The following ADCY6 variants were observed in gnomAD, a reference collection of about 807,000 sequenced individuals.
ADCY6 encodes adenylate cyclase type 6.
ADCY6 carries 59 observed loss-of-function variants against 111.6 expected under a neutral mutation model. The observed-to-expected ratio is 0.53, with a 90% CI of 0.43 to 0.66. The LOEUF (loss-of-function observed/expected upper bound fraction) is 0.66. ADCY6 is among the 30% of genes least tolerant of loss of function. The pLI is 0.00. For synonymous variants in ADCY6, 576 were observed against 642.9 expected, an observed-to-expected ratio of 0.90 and a Z score of 1.57; for missense variants, 1,242 against 1,595.6, an observed-to-expected ratio of 0.78 and a Z score of 3.78.
In ADCY6 at chr12:48,782,934, CAGCAGCACCGCTGTG is replaced by C. The variant is rs1258911470; in HGVS notation, c.486_500del (p.Thr163_Leu167del). ...GGCGGGCGGGTGCGGCGTGGAAAGCCAGCAGCACCGCTGTGAGCAGCACCAGCACCGCCATCAGCA... is the reference window on the plus strand; with the variant it reads ...GGCGGGCGGGTGCGGCGTGGAAAGCCAGCAGCACCAGCACCGCCATCAGCA... On this transcript the variant is annotated inframe_deletion, in exon 2 of 22. Transcript: ENST00000357869. This position sits in a 1 kb window ranked among gnomAD's most constrained non-coding sequence, Gnocchi z 4.3. 1 of 1,613,374 alleles carries C rather than the reference CAGCAGCACCGCTGTG, an allele frequency of 6.2e-7. No homozygotes were observed. The highest frequency in any genetic ancestry group is 8.5e-7 in the Non-Finnish European group (1 of 1,179,924).
chr12:48,777,061 G>A lies in ADCY6; in HGVS notation c.1376+43C>T. The stretch of plus-strand genomic sequence containing the variant: ...CATCAAAAAGTAGGAGCAGTCTGGG[G>A]CACCCGCAATTCCAGGAAGCCTAGG... On this transcript the variant is annotated intron_variant, in intron 6 of 21. Transcript: ENST00000357869. This position sits in a 1 kb window ranked among gnomAD's most constrained non-coding sequence, Gnocchi z 4.9. 6.5e-7 allele frequency: 1 copy of A among 1,544,036 alleles called. No homozygotes were observed. Among genetic ancestry groups the A allele is most frequent in the Non-Finnish European group, 8.7e-7 (1 of 1,144,164 alleles).
intron 20 of ADCY6, among the ~76,000 whole-genome samples, chr12:48,769,419 A>C (rs1941466179): frequency 1.3e-5 from 2 of 151,068 alleles, no homozygotes; most frequent in South Asian, 2.1e-4. Context: ...ATCTCAAAAA[A>C]AAAAAAAAAA....
At chr12:48,783,657 C>T in intron 1 of ADCY6, 1 of 1,140,060 alleles carries the variant, frequency 8.8e-7, no homozygotes, top group Non-Finnish European at 1.2e-6. Context: ...AGAAACTTGC[C>T]CAAAACCAGG....
At chr12:48,778,872 A>AC (rs1941774487) in intron 2 of ADCY6, among the ~76,000 whole-genome samples, 1 of 72,414 alleles carries the variant, frequency 1.4e-5, no homozygotes, top group Non-Finnish European at 2.4e-5. Context: ...TGAATAACAC[A>AC]TTTTTTTTTT....
chr12:48,768,472 C>G lies in ADCY6; in HGVS notation c.*119G>C. 1 of 1,457,350 alleles carries G rather than the reference C, an allele frequency of 6.9e-7. No individual in the cohort carries two copies. Among genetic ancestry groups the G allele is most frequent in the Non-Finnish European group, 9.5e-7 (1 of 1,048,550 alleles). The allele number at this position is 1,457,350 out of a possible 1,614,324, so 90.3% of individuals were successfully genotyped here. On this transcript the variant is annotated 3_prime_UTR_variant, in exon 22 of 22. Coordinates refer to ENST00000357869, the MANE Select transcript of ADCY6 (RefSeq NM_015270.5). ...CAAGCACAGCCTGCTGGGATGTTCC[C>G]TTTTGTGGTTAGCAGGGTCTGGAGG...
intron 21 of ADCY6, 95 bp from the exon 22 acceptor site, chr12:48,768,811 C>T: frequency 3.2e-6 from 5 of 1,559,374 alleles, no homozygotes; most frequent in Non-Finnish European, 3.5e-6. Context: ...GCTCCCTTCC[C>T]CCAGTCCCTG....
At chr12:48,786,145 A>C (rs1592167036) in intron 1 of ADCY6, among the ~76,000 whole-genome samples, 2 of 152,234 alleles carry the variant, frequency 1.3e-5, no homozygotes, top group African/African-American at 4.8e-5. Flanking sequence ...TCACTCGGGG[A>C]CAGGATGGAG....
intron 2 of ADCY6, chr12:48,778,520 C>T: frequency 4.3e-6 from 2 of 470,034 alleles, no homozygotes; most frequent in Non-Finnish European, 7.8e-6. Flanking sequence ...CAACTAGGGC[C>T]AGATAAGTCA....
intron 11 of ADCY6, 56 bp downstream of exon 11, chr12:48,775,247 C>A: frequency 6.2e-7 from 1 of 1,608,170 alleles, no homozygotes; most frequent in South Asian, 1.1e-5. Context: ...TCAGCCTTCC[C>A]TGCTGCGACC....
In ADCY6 at chr12:48,783,078, C is replaced by T; in HGVS notation, c.357G>A (p.Trp119Ter). Residue 119 changes from tryptophan (W) to a stop codon, truncating the protein, a stop_gained, in exon 2 of 22, where the codon TGG becomes TGA. Coordinates refer to ENST00000357869, the MANE Select transcript of ADCY6 (RefSeq NM_015270.5). LOFTEE classifies it high-confidence loss of function. ...ACTGGAACACCTGCACCAGACGGCGCCAGCAGGATCGCCCACTCCTGGGCA... is the reference window on the plus strand; with the variant it reads ...ACTGGAACACCTGCACCAGACGGCGTCAGCAGGATCGCCCACTCCTGGGCA... Reference protein sequence around the residue: ...DAVPRSGRSCWRRLVQVFQSK... With the variant: ...DAVPRSGRSC The T allele has an allele frequency of 1.9e-6, 3 of 1,612,546 alleles. No individual in the cohort carries two copies. The highest frequency in any genetic ancestry group is 2.5e-6 in the Non-Finnish European group (3 of 1,179,598).
rs138322341 is a variant in ADCY6, at chr12:48,781,967, A to T, written c.864+604T>A. On this transcript the variant is annotated intron_variant, in intron 2 of 21. Transcript: ENST00000357869. The stretch of plus-strand genomic sequence containing the variant: ...TCTTCAACAGTCCAACCCCATTCAA[A>T]CCACATCCAGCCCAGAGAGAACTGA... Among the ~76,000 whole-genome samples the T allele has an allele frequency of 2.2e-3, 334 of 152,124 alleles. 1 individual carries two copies. The highest frequency in any genetic ancestry group is 6.8e-3 in the Middle Eastern group (2 of 294).
Position 48,776,578 on chromosome 12 carries a change from C to A in ADCY6, c.1385G>T (p.Arg462Leu), listed in dbSNP as rs1233916775. ...VDMIEAISLV[R>L]EVTGVNVNMR... ...GTTCACATTCACACCTGTCACCTCA[C>A]GTACCAGCCTGGGAGGATGCAGCCC... The change falls in exon 7 of 22, where the codon CGT (arginine) becomes CTT (leucine). Residue 462 changes from arginine to leucine, a missense_variant. Around this residue, in one of 4 missense-constraint regions of ADCY6, gnomAD observed 260 missense variants for 414.6 expected, o/e 0.63. Transcript: ENST00000357869. The surrounding 1 kb of genome is among the most constrained non-coding windows in gnomAD (Gnocchi z 6.1). The A allele has an allele frequency of 2.5e-6, 4 of 1,608,968 alleles. No homozygotes were observed. Among genetic ancestry groups the A allele is most frequent in the Non-Finnish European group, 3.4e-6 (4 of 1,178,810 alleles).
intron 15 of ADCY6, 26 bp downstream of exon 15, chr12:48,773,914 C>G (rs1223020164): frequency 6.2e-7 from 1 of 1,610,882 alleles, no homozygotes; most frequent in African/African-American, 1.3e-5. Context: ...GACAGCCCCC[C>G]CACCGCCTGA....
chr12:48,776,278 G>A lies in ADCY6; in HGVS notation c.1608C>T (p.Gly536=), dbSNP rs753900257. Residue 536 remains glycine, a synonymous_variant, in exon 8 of 22, where the codon GGC becomes GGT. Transcript: ENST00000357869. This position sits in a 1 kb window ranked among gnomAD's most constrained non-coding sequence, Gnocchi z 6.1. ...GCTCCTTGAGGTACGCGTTGCGCTCGCCACCACGGCCTGGCTCCACCTCGT... is the reference window on the plus strand; with the variant it reads ...GCTCCTTGAGGTACGCGTTGCGCTCACCACCACGGCCTGGCTCCACCTCGT... ...GDYEVEPGRG[G]ERNAYLKEQH... The A allele has an allele frequency of 3.8e-5, 62 of 1,614,080 alleles. No homozygotes were observed. The highest frequency in any genetic ancestry group is 3.3e-4 in the Middle Eastern group (2 of 6,084).
In ADCY6 at chr12:48,775,684, G is replaced by T; in HGVS notation, c.1821C>A (p.Ser607=). ...KAFRQMGIDD[S]SKDNRGTQDA... is the part of the protein sequence containing the mutation. The stretch of plus-strand genomic sequence containing the variant: ...GTAACCTGACTTACTTGTCTTTGCT[G>T]GAATCATCAATGCCCTGGAGAAAGG... Residue 607 remains serine (S), a synonymous_variant, in exon 10 of 22, where the codon TCC becomes TCA. Transcript: ENST00000357869. 6.2e-7 allele frequency: 1 copy of T among 1,613,576 alleles called. No homozygotes were observed. The highest frequency in any genetic ancestry group is 8.5e-7 in the Non-Finnish European group (1 of 1,179,628).
Position 48,774,706 on chromosome 12 carries a change from C to T in ADCY6, c.2151G>A (p.Val717=), listed in dbSNP as rs1941647018. The T allele has an allele frequency of 6.2e-7, 1 of 1,614,140 alleles. No individual in the cohort carries two copies. The highest frequency in any genetic ancestry group is 1.1e-5 in the South Asian group (1 of 91,088). Residue 717 remains valine, a synonymous_variant, in exon 13 of 22, where the codon GTG becomes GTA. Coordinates refer to ENST00000357869, the MANE Select transcript of ADCY6 (RefSeq NM_015270.5). ...LLLITVLICA[V]YSCGSLFPKA... is the part of the protein sequence containing the mutation. ...CCTTACGTACAGAACCACAGGAGTA[C>T]ACAGCACAGATCAGCACGGTGATTA...
chr12:48,776,158 C>T lies in ADCY6; in HGVS notation c.1677+51G>A, dbSNP rs764928433. On this transcript the variant is annotated intron_variant, in intron 8 of 21. Transcript: ENST00000357869. The surrounding 1 kb of genome is among the most constrained non-coding windows in gnomAD (Gnocchi z 6.1). ...GAGGAGGCCTTGGCCTGCTCCTCCC[C>T]ATTTGTCCCTCTTCTTGCTCCCCTG... 1 of 1,613,890 alleles carries T rather than the reference C, an allele frequency of 6.2e-7. No individual in the cohort carries two copies.
At chr12:48,787,520 C>T (rs1942001740) in intron 1 of ADCY6, among the ~76,000 whole-genome samples, 1 of 152,212 alleles carries the variant, frequency 6.6e-6, no homozygotes, top group South Asian at 2.1e-4. Flanking sequence ...TTGCCGGCCT[C>T]CCAACATTTC....
Position 48,770,878 on chromosome 12 carries a change from G to C in ADCY6, c.3144C>G (p.Tyr1048Ter). 1 of 1,614,236 alleles carries C rather than the reference G, an allele frequency of 6.2e-7. No individual in the cohort carries two copies. Among genetic ancestry groups the C allele is most frequent in the Non-Finnish European group, 8.5e-7 (1 of 1,180,044 alleles). Reference protein sequence around the residue: ...MAASGLNASTYDQVGRSHITA... With the variant: ...MAASGLNAST ...TGATGTGGGAGCGGCCCACCTGATCGTAGGTGCTGGCGTTCAGCCCTGAGG... is the reference window on the plus strand; with the variant it reads ...TGATGTGGGAGCGGCCCACCTGATCCTAGGTGCTGGCGTTCAGCCCTGAGG... The change falls in exon 20 of 22, where the codon TAC becomes TAG. Residue 1048 changes from tyrosine (Y) to a stop codon, truncating the protein, a stop_gained. Transcript: ENST00000357869. LOFTEE classifies it high-confidence loss of function.
Sources: allele counts gnomAD v4.1 joint callset (sites outside exome capture counted in the v4.1 genomes callset), GRCh38; gene constraint gnomAD v4.1.1; regional missense constraint gnomAD v4.1.1; non-coding constraint Gnocchi (gnomAD v3.1); transcripts MANE v1.5; gene names NCBI Gene and HGNC (gene_info 2026-07-23, HGNC 2026-07-21).